Variants in MAGI1 observed in about 807,000 individuals in gnomAD.
MAGI1 encodes membrane-associated guanylate kinase, WW and PDZ domain-containing protein 1.
Under a neutral mutation model 139.9 loss-of-function variants are expected in MAGI1, and 58 were observed. The ratio of observed to expected loss-of-function variants is 0.41; its 90% CI spans 0.34 to 0.52. The LOEUF (loss-of-function observed/expected upper bound fraction) is 0.52. Among genes scored for constraint, MAGI1 ranks in the 20% least tolerant of loss-of-function variants. The pLI, the probability that MAGI1 is intolerant of heterozygous loss-of-function variation, is 0.12. For synonymous variants in MAGI1, 812 were observed against 737.9 expected, an observed-to-expected ratio of 1.10 and a Z score of -1.63; for missense variants, 1,874 against 1,901.6, an observed-to-expected ratio of 0.99 and a Z score of 0.27.
chr3:65,380,901 T>C (rs1328191203), intron 16 of MAGI1: 6 of 152,036 alleles, frequency 3.9e-5, no homozygotes, highest in Non-Finnish European at 5.9e-5. Context: ...TAATTAATCA[T>C]ATACCATTTA....
chr3:65,931,879 G>A (rs1289063980), intron 1 of MAGI1, among the ~76,000 whole-genome samples: 2 of 152,132 alleles, frequency 1.3e-5, no homozygotes. Context: ...CTAGAGAAGG[G>A]TAAGTGTATA....
At chr3:65,459,970 T>A (rs1277251916) in intron 5 of MAGI1, among the ~76,000 whole-genome samples, 1 of 152,146 alleles carries the variant, frequency 6.6e-6, no homozygotes, top group Non-Finnish European at 1.5e-5. Context: ...ACAACTGACA[T>A]CCTTGGCTTG....
At chr3:65,452,127 AAAACAAAGCAACCAAGAT>A (rs1477669712) in intron 6 of MAGI1, among the ~76,000 whole-genome samples, 3 of 908 alleles carry the variant, frequency 3.3e-3, no homozygotes, top group African/African-American at 0.013. Flanking sequence ...CAACCAAGAT[AAAACAAAGCAACCAAGAT>A]AAAACAAACA....
At chr3:65,688,049 G>C (rs1576735947) in intron 1 of MAGI1, 2 of 783,764 alleles carry the variant, frequency 2.6e-6, no homozygotes, top group East Asian at 3.1e-5. Context: ...GGCCTACTAA[G>C]TCATTATGCT....
At chr3:65,799,681 GGAGGACTACAC>G (rs1264313656) in intron 1 of MAGI1, among the ~76,000 whole-genome samples, 1 of 152,152 alleles carries the variant, frequency 6.6e-6, no homozygotes, top group Non-Finnish European at 1.5e-5. Context: ...TGCAGATAAA[GGAGGACTACAC>G]ATAATAAAAG....
At chr3:65,870,493 T>G (rs2059900781) in intron 1 of MAGI1, among the ~76,000 whole-genome samples, 1 of 151,384 alleles carries the variant, frequency 6.6e-6, no homozygotes, top group South Asian at 2.1e-4. Context: ...ACCAAGGCAG[T>G]GACTCACTAA....
At chr3:65,500,796 A>G (rs9860616) in intron 2 of MAGI1, among the ~76,000 whole-genome samples, 5,615 of 152,288 alleles carry the variant, frequency 0.037, 328 homozygotes, top group African/African-American at 0.13. Flanking sequence ...ATTCCATGAT[A>G]TCACCTGCTG....
intron 2 of MAGI1, among the ~76,000 whole-genome samples, chr3:65,522,239 T>C (rs2078195767): frequency 6.6e-6 from 1 of 152,184 alleles, no homozygotes; most frequent in African/African-American, 2.4e-5. Flanking sequence ...AGGTGTTGAA[T>C]ATGCTGATAT....
At chr3:65,702,881 T>G (rs2089712445) in intron 1 of MAGI1, among the ~76,000 whole-genome samples, 1 of 152,038 alleles carries the variant, frequency 6.6e-6, no homozygotes, top group Non-Finnish European at 1.5e-5. Context: ...CCTTTTTATT[T>G]CCACTCCCAA....
At chr3:65,954,291 C>T (rs2064005857) in intron 1 of MAGI1, 1 of 152,386 alleles carries the variant, frequency 6.6e-6, no homozygotes, top group African/African-American at 2.4e-5. Flanking sequence ...CCATTTGTTT[C>T]CCACAGTTTT....
chr3:65,803,686 C>A (rs1195461973), intron 1 of MAGI1, among the ~76,000 whole-genome samples: 1 of 152,104 alleles, frequency 6.6e-6, no homozygotes, highest in Admixed American at 6.6e-5. Context: ...TTTCCAGATT[C>A]TCTCTCTCCT....
chr3:65,999,223 G>A (rs988831753), intron 1 of MAGI1, among the ~76,000 whole-genome samples: 1 of 151,966 alleles, frequency 6.6e-6, no homozygotes, highest in Non-Finnish European at 1.5e-5. Flanking sequence ...GCTCTCCTCC[G>A]CACAACCCCG....
At chr3:65,530,710 CGT>C (rs1450033975) in intron 2 of MAGI1, among the ~76,000 whole-genome samples, 3 of 112,582 alleles carry the variant, frequency 2.7e-5, no homozygotes, top group South Asian at 2.8e-4. Flanking sequence ...CACATATACA[CGT>C]GTATATATAT....
At chr3:66,031,889 C>T (rs2068619651) in intron 1 of MAGI1, among the ~76,000 whole-genome samples, 1 of 152,078 alleles carries the variant, frequency 6.6e-6, no homozygotes, top group Non-Finnish European at 1.5e-5. Context: ...TCCTCATCAT[C>T]CTGCCTGCTG....
intron 1 of MAGI1, among the ~76,000 whole-genome samples, chr3:65,895,020 G>A (rs2060914562): frequency 6.6e-6 from 1 of 152,168 alleles, no homozygotes; most frequent in African/African-American, 2.4e-5. Context: ...TGGAAACGGA[G>A]GTGCTAGCTA....
chr3:65,603,823 C>A lies in MAGI1; in HGVS notation c.430+18149G>T, dbSNP rs1056541266. On this transcript the variant is annotated intron_variant, in intron 2 of 22. Transcript: ENST00000402939. ...GGCCTGGTCTCTCCTTCCAAGATGGCGCCCTGTTACAGCATCCCCCAGAAG... is the reference window on the plus strand; with the variant it reads ...GGCCTGGTCTCTCCTTCCAAGATGGAGCCCTGTTACAGCATCCCCCAGAAG... Among the ~76,000 whole-genome samples, 4 of 152,190 alleles carry A rather than the reference C, an allele frequency of 2.6e-5. No individual in the cohort carries two copies. In the East Asian group the frequency reaches 7.7e-4, roughly 29 times the overall value.
intron 1 of MAGI1, among the ~76,000 whole-genome samples, chr3:65,798,700 C>T (rs1284955708): frequency 1.3e-5 from 2 of 152,196 alleles, no homozygotes; most frequent in African/African-American, 4.8e-5. Flanking sequence ...GTAGTCCCCC[C>T]ATTATCCACG....
intron 1 of MAGI1, among the ~76,000 whole-genome samples, chr3:65,901,325 T>A (rs1424997721): frequency 1.3e-5 from 2 of 152,118 alleles, no homozygotes; most frequent in Non-Finnish European, 2.9e-5. Context: ...TCAGAGAAAG[T>A]GTATGGATGA....
At chr3:65,474,248 G>A (rs1307582849) in intron 4 of MAGI1, among the ~76,000 whole-genome samples, 2 of 151,418 alleles carry the variant, frequency 1.3e-5, no homozygotes, top group Non-Finnish European at 3.0e-5. Context: ...CTGGGTCACA[G>A]AACGAGACCC....
Sources: allele counts gnomAD v4.1 joint callset (sites outside exome capture counted in the v4.1 genomes callset), GRCh38; gene constraint gnomAD v4.1.1; transcripts MANE v1.5; gene names NCBI Gene and HGNC (gene_info 2026-07-23, HGNC 2026-07-21).